ZNF10: variants seen among roughly 807,000 people sequenced by gnomAD.
ZNF10 encodes zinc finger protein 10.
In ZNF10, 8 loss-of-function variants were observed where a neutral mutation model predicts 12.2. That is an observed-to-expected ratio of 0.66 (90% CI 0.39 to 1.18). The LOEUF (loss-of-function observed/expected upper bound fraction) is 1.18, where lower values mean the gene tolerates loss of function less well. ZNF10 is among the 50% of genes most tolerant of loss of function. The pLI is 0.01. For missense variants in ZNF10, 603 were observed against 678.9 expected (o/e 0.89, Z 1.24); for synonymous variants, 229 against 228.2 (o/e 1.00, Z -0.03).
chr12:133,135,662 A>G (rs947112290), intron 1 of ZNF10, among the ~76,000 whole-genome samples: 2 of 151,990 alleles, frequency 1.3e-5, no homozygotes, highest in Non-Finnish European at 2.9e-5. Flanking sequence ...CCTTATTCTC[A>G]CGACTCTTCT....
In ZNF10 at chr12:133,155,997, T is replaced by C; in HGVS notation, c.751T>C (p.Ser251Pro). The change falls in exon 5 of 5, where the codon TCA (serine) becomes CCA (proline). Residue 251 changes from serine (S) to proline (P), a missense_variant. This residue lies in a region of ZNF10 where 393 missense variants were observed against 399.7 expected (regional missense o/e 0.98). Transcript: ENST00000248211. ...TAATGACAACTCTCTTACTCATGGTTCATCTCTTGGTATATCAAAGGGCAT... is the reference window on the plus strand; with the variant it reads ...TAATGACAACTCTCTTACTCATGGTCCATCTCTTGGTATATCAAAGGGCAT... The part of the protein sequence containing the change: ...PDNDNSLTHG[S>P]SLGISKGIHR... 1.9e-6 allele frequency: 3 copies of C among 1,613,866 alleles called. No individual in the cohort carries two copies. The East Asian group carries it at 6.7e-5, about 36-fold the overall frequency.
rs1423192153 is a variant in ZNF10, at chr12:133,156,678, G to T, written c.1432G>T (p.Val478Leu). The part of the protein sequence containing the change: ...KSFSQSSALI[V>L]HQRIHTGEKP... ...TTTCAGCCAGAGTTCTGCCCTTATT[G>T]TGCATCAGAGGATACACACTGGAGA... The change falls in exon 5 of 5, where the codon GTG becomes TTG. Residue 478 changes from valine to leucine, a missense_variant. Val to Leu is a conservative substitution (Grantham distance 32, BLOSUM62 1). This residue lies in a region of ZNF10 where 204 missense variants were observed against 262.8 expected (regional missense o/e 0.78). Coordinates refer to ENST00000248211, the MANE Select transcript of ZNF10 (RefSeq NM_015394.5). The T allele has an allele frequency of 1.2e-6, 2 of 1,613,886 alleles. No homozygotes were observed.
At position 133,156,294 on chromosome 12, in the gene ZNF10, A is replaced by C. The variant is rs148345630; in HGVS notation, c.1048A>C (p.Thr350Pro). The C allele has an allele frequency of 1.9e-6, 3 of 1,614,040 alleles. No homozygotes were observed. Among genetic ancestry groups the C allele is most frequent in the South Asian group, 2.2e-5 (2 of 91,090 alleles). The change falls in exon 5 of 5, where the codon ACA (threonine) becomes CCA (proline). Residue 350 changes from threonine to proline, a missense_variant. This residue lies in a region of ZNF10 where 204 missense variants were observed against 262.8 expected (regional missense o/e 0.78). Coordinates refer to ENST00000248211, the MANE Select transcript of ZNF10 (RefSeq NM_015394.5). The part of the protein sequence containing the change: ...QRTHTGDKLY[T>P]CNQCGKSFVH... ...AACTCATACAGGAGACAAACTGTAC[A>C]CATGTAATCAGTGTGGGAAATCTTT...
intron 1 of ZNF10, among the ~76,000 whole-genome samples, chr12:133,137,415 C>G (rs1406958940): frequency 1.3e-5 from 2 of 152,170 alleles, no homozygotes; most frequent in African/African-American, 4.8e-5. Context: ...TCTTTTTGTT[C>G]TCTGGCCTAA....
chr12:133,157,628 T>C lies in ZNF10; in HGVS notation c.*660T>C, dbSNP rs1956050558. The C allele has an allele frequency of 6.6e-6, 1 of 152,272 alleles. No individual in the cohort carries two copies. Among genetic ancestry groups the C allele is most frequent in the Non-Finnish European group, 1.5e-5 (1 of 68,046 alleles). The allele number at this position is 152,272 out of a possible 1,614,324, so 9.4% of individuals were successfully genotyped here. ...ATTGATTTGTTAGATAAGGAGATTT[T>C]GACTGAGTTTTATAGTCTGTTTAAT... On this transcript the variant is annotated 3_prime_UTR_variant, in exon 5 of 5. Coordinates refer to ENST00000248211, the MANE Select transcript of ZNF10 (RefSeq NM_015394.5).
intron 1 of ZNF10, among the ~76,000 whole-genome samples, chr12:133,143,259 T>C (rs1242655110): frequency 6.6e-6 from 1 of 152,068 alleles, no homozygotes. Flanking sequence ...TGGAATTACA[T>C]AGTGGTGATG....
At chr12:133,134,699 A>G (rs1038111537) in intron 1 of ZNF10, among the ~76,000 whole-genome samples, 2 of 152,210 alleles carry the variant, frequency 1.3e-5, no homozygotes, top group Admixed American at 6.5e-5. Context: ...CTCTGGCACT[A>G]TGTTTTGACT....
chr12:133,156,755 C>T lies in ZNF10; in HGVS notation c.1509C>T (p.Asp503=), dbSNP rs200535666. The T allele has an allele frequency of 7.6e-5, 122 of 1,601,724 alleles. No individual in the cohort carries two copies. The highest frequency in any genetic ancestry group is 9.4e-5 in the Non-Finnish European group (110 of 1,175,538). ...GGAAAGCCTTCATCCGGAAGAATGA[C>T]CTCATTAAGCACCAGAGAATTCATG... ...QCGKAFIRKN[D]LIKHQRIHVG... The change falls in exon 5 of 5, where the codon GAC becomes GAT. Residue 503 remains aspartate, a synonymous_variant. Coordinates refer to ENST00000248211, the MANE Select transcript of ZNF10 (RefSeq NM_015394.5).
Position 133,136,190 on chromosome 12 carries a change from C to G in ZNF10, c.-60+5436C>G, listed in dbSNP as rs114137810. 8.7e-3 allele frequency among the ~76,000 whole-genome samples: 1,325 copies of G among 152,034 alleles called. 24 individuals carry two copies. Among genetic ancestry groups the G allele is most frequent in the African/African-American group, 0.03 (1,244 of 41,472 alleles). On this transcript the variant is annotated intron_variant, in intron 1 of 4. Transcript: ENST00000248211. ...TCAGAGATTTGACCCCATCCTTCCC[C>G]CCTTCTCTCTCCTCTAGTTCCAACT... is the stretch of plus-strand genomic sequence containing the variant.
At chr12:133,140,068 T>C (rs1955935272) in intron 1 of ZNF10, among the ~76,000 whole-genome samples, 1 of 151,666 alleles carries the variant, frequency 6.6e-6, no homozygotes, top group Admixed American at 6.6e-5. Flanking sequence ...CTGAGTGTGA[T>C]GGTATGTGCC....
At chr12:133,149,966 A>G (rs1289814772) in intron 2 of ZNF10, among the ~76,000 whole-genome samples, 1 of 152,190 alleles carries the variant, frequency 6.6e-6, no homozygotes, top group Non-Finnish European at 1.5e-5. Context: ...TTACTACTTC[A>G]AGCAAAATCT....
chr12:133,138,455 C>T (rs1955925189), intron 1 of ZNF10, among the ~76,000 whole-genome samples: 1 of 151,328 alleles, frequency 6.6e-6, no homozygotes, highest in Admixed American at 6.6e-5. Context: ...GGGAGGATCA[C>T]TTGAGCCCAG....
At chr12:133,136,560 G>T (rs1955913147) in intron 1 of ZNF10, among the ~76,000 whole-genome samples, 1 of 151,834 alleles carries the variant, frequency 6.6e-6, no homozygotes, top group African/African-American at 2.4e-5. Context: ...TATAATCCTG[G>T]TCCTACCGTT....
At chr12:133,140,417 T>G in intron 1 of ZNF10, among the ~76,000 whole-genome samples, 1 of 144,710 alleles carries the variant, frequency 6.9e-6, no homozygotes. Context: ...TGTTACTGGG[T>G]CACTAGACGT....
intron 1 of ZNF10, among the ~76,000 whole-genome samples, chr12:133,134,020 C>T (rs569611389): frequency 1.2e-3 from 184 of 151,958 alleles, no homozygotes; most frequent in Non-Finnish European, 1.5e-3. Context: ...GCTGGGTGGC[C>T]GGGCACGGTG....
rs1348436132 is a variant in ZNF10, at chr12:133,151,823, A to G, written c.175A>G (p.Lys59Glu). 3 of 1,613,248 alleles carry G rather than the reference A, an allele frequency of 1.9e-6. No individual in the cohort carries two copies. The South Asian group carries it at 3.3e-5, about 18-fold the overall frequency. ...NLVSLGYQLT[K>E]PDVILRLEKG... ...ACTGTGAACAGGTTATCAGCTTACT[A>G]AGCCAGATGTGATCCTCCGGTTGGA... The change falls in exon 4 of 5, where the codon AAG (lysine) becomes GAG (glutamate). Residue 59 changes from lysine to glutamate, a missense_variant. Coordinates refer to ENST00000248211, the MANE Select transcript of ZNF10 (RefSeq NM_015394.5).
intron 1 of ZNF10, among the ~76,000 whole-genome samples, chr12:133,138,870 T>C (rs1438544125): frequency 6.6e-6 from 1 of 152,176 alleles, no homozygotes; most frequent in Non-Finnish European, 1.5e-5. Context: ...ACCGTCTGGG[T>C]TCGTACACCT....
At chr12:133,153,743 A>G (rs1474697821) in intron 4 of ZNF10, among the ~76,000 whole-genome samples, 2 of 152,232 alleles carry the variant, frequency 1.3e-5, no homozygotes, top group Admixed American at 6.5e-5. Context: ...ACAAAGAACC[A>G]GCAGTTAGGT....
intron 4 of ZNF10, among the ~76,000 whole-genome samples, chr12:133,153,273 TAATG>T (rs1212344454): frequency 6.6e-6 from 1 of 152,158 alleles, no homozygotes; most frequent in Non-Finnish European, 1.5e-5. Flanking sequence ...TCAAAAAATA[TAATG>T]AATGATGATT....
Sources: allele counts gnomAD v4.1 joint callset (sites outside exome capture counted in the v4.1 genomes callset), GRCh38; gene constraint gnomAD v4.1.1; regional missense constraint gnomAD v4.1.1; transcripts MANE v1.5; gene names NCBI Gene and HGNC (gene_info 2026-07-23, HGNC 2026-07-21).